The following CACNA1C variants were observed in gnomAD, a reference collection of about 807,000 sequenced individuals.
CACNA1C encodes calcium voltage-gated channel subunit alpha1 C.
A neutral mutation model predicts 229.0 loss-of-function variants in CACNA1C; 30 were observed. The ratio of observed to expected loss-of-function variants is 0.13; its 90% confidence interval spans 0.10 to 0.18. The LOEUF (loss-of-function observed/expected upper bound fraction) is 0.18, where lower values mean the gene tolerates loss of function less well. Ranked by LOEUF, CACNA1C falls within the 10% of genes least tolerant of loss-of-function variation. The pLI, the probability that CACNA1C is intolerant of heterozygous loss-of-function variation, is 1.00. For synonymous variants in CACNA1C, 1,114 were observed against 1,132.5 expected (o/e 0.98, Z 0.33); for missense variants, 1,658 against 2,845.0 (o/e 0.58, Z 9.49).
At chr12:1,987,018 G>A (rs2037997319) in intron 1 of CACNA1C, among the ~76,000 whole-genome samples, 1 of 152,158 alleles carries the variant, frequency 6.6e-6, no homozygotes, top group Admixed American at 6.5e-5. Context: ...ATAGAACGAA[G>A]GAGAGAAGCT....
chr12:2,286,920 A>T (rs2092769380), intron 3 of CACNA1C, among the ~76,000 whole-genome samples: 1 of 152,250 alleles, frequency 6.6e-6, no homozygotes, highest in African/African-American at 2.4e-5. Flanking sequence ...CCCCAAGCAC[A>T]TTGGAACGCC....
intron 3 of CACNA1C, among the ~76,000 whole-genome samples, chr12:2,244,339 G>T (rs980177602): frequency 3.9e-5 from 6 of 152,202 alleles, no homozygotes; most frequent in African/African-American, 4.8e-5. Context: ...CTGCAGCTCC[G>T]CTTTTGAACA....
intron 3 of CACNA1C, among the ~76,000 whole-genome samples, chr12:2,158,384 T>G (rs917851018): frequency 1.3e-5 from 2 of 152,164 alleles, no homozygotes; most frequent in Non-Finnish European, 2.9e-5. Flanking sequence ...GAGACCAGCC[T>G]GGGCAACATG....
intron 25 of CACNA1C, 27 bp downstream of exon 25, chr12:2,606,690 G>A (rs1344735406): frequency 1.9e-6 from 3 of 1,596,164 alleles, no homozygotes; most frequent in African/African-American, 1.3e-5. Flanking sequence ...GGGCAGCCAG[G>A]GCCACGGCCG....
intron 3 of CACNA1C, among the ~76,000 whole-genome samples, chr12:2,136,525 C>G (rs73050436): frequency 0.022 from 3,280 of 151,260 alleles, 194 homozygotes; most frequent in Non-Finnish European, 0.033. Flanking sequence ...GCTTTGAATA[C>G]GATGCCTTAA....
chr12:2,337,362 G>A lies in CACNA1C; in HGVS notation c.478-111614G>A, dbSNP rs139664442. On this transcript the variant is annotated intron_variant, in intron 3 of 46. Transcript: ENST00000399655. ...CCTCCAGACTTAGACTCCTTTTGGA[G>A]CCAAGCACCCCAAGACTGTAGGCCT... Among the ~76,000 whole-genome samples, 162 of 152,318 alleles carry A rather than the reference G, an allele frequency of 1.1e-3. 1 individual carries two copies. The highest frequency in any genetic ancestry group is 3.8e-3 in the African/African-American group (159 of 41,572).
intron 5 of CACNA1C, among the ~76,000 whole-genome samples, chr12:2,464,623 T>C (rs966082939): frequency 3.3e-5 from 5 of 152,252 alleles, no homozygotes; most frequent in African/African-American, 1.2e-4. Flanking sequence ...TTAAGGACTT[T>C]TCGTGGGATA....
At chr12:2,110,108 C>A (rs555302300) in intron 1 of CACNA1C, among the ~76,000 whole-genome samples, 1 of 152,362 alleles carries the variant, frequency 6.6e-6, no homozygotes, top group East Asian at 1.9e-4. Context: ...CCAAGCCCCT[C>A]ACTCACAGGG....
intron 3 of CACNA1C, among the ~76,000 whole-genome samples, chr12:2,415,016 T>C (rs2098851746): frequency 6.6e-6 from 1 of 152,190 alleles, no homozygotes; most frequent in Admixed American, 6.5e-5. Flanking sequence ...CGACACGGTC[T>C]GTGTGTGCCA....
In CACNA1C at chr12:2,486,083, T is replaced by G; in HGVS notation, c.758-21T>G. On this transcript the variant is annotated intron_variant, in intron 5 of 46. Coordinates refer to ENST00000399655, the MANE Select transcript of CACNA1C (RefSeq NM_000719.7). This position sits in a 1 kb window ranked among gnomAD's most constrained non-coding sequence, Gnocchi z 4.9. ...GGTACCGCGGTGATGCTTGGTTCAG[T>G]GAGTGGCTCTGTCCCCGCAGGTCTC... is the stretch of plus-strand genomic sequence containing the variant. 2 of 1,576,390 alleles carry G rather than the reference T, an allele frequency of 1.3e-6. No individual in the cohort carries two copies. The highest frequency in any genetic ancestry group is 1.7e-6 in the Non-Finnish European group (2 of 1,158,952).
At chr12:2,565,995 G>C (rs2154593297) in intron 11 of CACNA1C, among the ~76,000 whole-genome samples, 1 of 152,354 alleles carries the variant, frequency 6.6e-6, no homozygotes, top group South Asian at 2.1e-4. Flanking sequence ...GAATTGGAGA[G>C]AAGGCATGAG....
intron 1 of CACNA1C, among the ~76,000 whole-genome samples, chr12:2,080,873 A>C (rs1216612283): frequency 6.6e-6 from 1 of 152,192 alleles, no homozygotes; most frequent in Non-Finnish European, 1.5e-5. Flanking sequence ...GAGCCATTGA[A>C]AGAATTGGTG....
At position 2,410,213 on chromosome 12, in the gene CACNA1C, G is replaced by A. The variant is rs1358759858; in HGVS notation, c.478-38763G>A. 6.6e-6 allele frequency among the ~76,000 whole-genome samples: 1 copy of A among 152,196 alleles called. No homozygotes were observed. The highest frequency in any genetic ancestry group is 1.5e-5 in the Non-Finnish European group (1 of 68,024). ...TCCCCGCAGCACTGAGGCTTGGCCA[G>A]TCGTGATGCCTATGGCGACCGCAGA... On this transcript the variant is annotated intron_variant, in intron 3 of 46. Transcript: ENST00000399655. This position sits in a 1 kb window ranked among gnomAD's most constrained non-coding sequence, Gnocchi z 5.3.
rs548718876 is a variant in CACNA1C at position 2,111,980 on chromosome 12, G to C, written c.50-3244G>C. ...TCAGAAATCCAGCCCCTTGTATCTC[G>C]AGGCCTGGAGAAGCCCAGGAGGAGG... On this transcript the variant is annotated intron_variant, in intron 1 of 46. Coordinates refer to ENST00000399655, the MANE Select transcript of CACNA1C (RefSeq NM_000719.7). Among the ~76,000 whole-genome samples the C allele has an allele frequency of 2.6e-5, 4 of 152,146 alleles. No homozygotes were observed. The South Asian group carries it at 8.3e-4, about 32-fold the overall frequency.
intron 3 of CACNA1C, among the ~76,000 whole-genome samples, chr12:2,124,103 C>T (rs2088600593): frequency 8.5e-6 from 1 of 118,064 alleles, no homozygotes. Context: ...TTCCACTGGT[C>T]TAGCTCGTGT....
chr12:2,090,310 CTTTTTTT>C (rs145675982), intron 1 of CACNA1C, among the ~76,000 whole-genome samples: 6 of 69,188 alleles, frequency 8.7e-5, no homozygotes, highest in Non-Finnish European at 1.3e-4. Context: ...GGATAGACTA[CTTTTTTT>C]TTTTTTTTTT....
At chr12:2,139,229 C>T (rs1393528282) in intron 3 of CACNA1C, among the ~76,000 whole-genome samples, 1 of 150,810 alleles carries the variant, frequency 6.6e-6, no homozygotes, top group East Asian at 1.9e-4. Flanking sequence ...TTCTAGGTGC[C>T]TCACTCCAGA....
chr12:2,252,961 C>T (rs7138478), intron 3 of CACNA1C, among the ~76,000 whole-genome samples: 6,868 of 152,212 alleles, frequency 0.045, 179 homozygotes, highest in Middle Eastern at 0.071. Context: ...CTCCCTACCC[C>T]TTGTGTTACA....
At chr12:2,477,771 T>TG in intron 5 of CACNA1C, among the ~76,000 whole-genome samples, 1 of 152,326 alleles carries the variant, frequency 6.6e-6, no homozygotes, top group East Asian at 1.9e-4. Context: ...TCTTTCCACT[T>TG]GCTTCTTCAG....
Sources: gnomAD v4.1 joint callset for allele counts (sites outside exome capture counted in the v4.1 genomes callset) on GRCh38, gnomAD v4.1.1 for gene constraint, Gnocchi (gnomAD v3.1) non-coding constraint, MANE v1.5 for transcripts, NCBI Gene and HGNC (gene_info 2026-07-23, HGNC 2026-07-21) for gene names.